The following KCND2 variants were observed in gnomAD, a reference collection of about 807,000 sequenced individuals.
KCND2 encodes the protein potassium voltage-gated channel subfamily D member 2, also known as A-type voltage-gated potassium channel KCND2.
Under a neutral mutation model 54.4 loss-of-function variants are expected in KCND2, and 16 were observed. The ratio of observed to expected loss-of-function variants is 0.29; its 90% confidence interval spans 0.20 to 0.45. The LOEUF (loss-of-function observed/expected upper bound fraction) is 0.45. Ranked by LOEUF, KCND2 falls within the 20% of genes least tolerant of loss-of-function variation. KCND2 has a pLI of 1.00. For missense variants in KCND2, 486 were observed against 824.2 expected (o/e 0.59, Z 5.02); for synonymous variants, 317 against 310.7 (o/e 1.02, Z -0.21).
chr7:120,705,522 C>T lies in KCND2; in HGVS notation c.1116-27381C>T, dbSNP rs149230129. Among the ~76,000 whole-genome samples the T allele has an allele frequency of 2.7e-4, 41 of 152,140 alleles. 1 individual carries two copies. Among genetic ancestry groups the T allele is most frequent in the African/African-American group, 9.6e-4 (40 of 41,512 alleles). On this transcript the variant is annotated intron_variant, in intron 1 of 5. Transcript: ENST00000331113. ...GGCTGTTTTCTCACTTGCAAAATGT[C>T]GATAATAATGGCTACCTGCTGAGAA...
At chr7:120,725,382 G>A (rs1038910019) in intron 1 of KCND2, among the ~76,000 whole-genome samples, 1 of 152,144 alleles carries the variant, frequency 6.6e-6, no homozygotes, top group Non-Finnish European at 1.5e-5. Context: ...ACAAAATGCT[G>A]TCGGAATTAT....
chr7:120,600,638 G>A (rs1792802557), intron 1 of KCND2, among the ~76,000 whole-genome samples: 1 of 151,996 alleles, frequency 6.6e-6, no homozygotes, highest in Non-Finnish European at 1.5e-5. Flanking sequence ...ACAATGATTT[G>A]TCTAATTACC....
chr7:120,398,566 A>G (rs1303661659), intron 1 of KCND2, among the ~76,000 whole-genome samples: 1 of 152,116 alleles, frequency 6.6e-6, no homozygotes, highest in African/African-American at 2.4e-5. Flanking sequence ...AAAAAATAGT[A>G]TTTGATCGAG....
At chr7:120,547,554 C>A (rs1792057172) in intron 1 of KCND2, among the ~76,000 whole-genome samples, 1 of 151,988 alleles carries the variant, frequency 6.6e-6, no homozygotes, top group African/African-American at 2.4e-5. Flanking sequence ...CCTCCAATTT[C>A]TCTCTGTTGT....
At chr7:120,643,110 A>G (rs1793398104) in intron 1 of KCND2, among the ~76,000 whole-genome samples, 1 of 152,240 alleles carries the variant, frequency 6.6e-6, no homozygotes, top group African/African-American at 2.4e-5. Context: ...AATTCAGATC[A>G]GTACATACTG....
chr7:120,639,676 A>G (rs1230267579), intron 1 of KCND2, among the ~76,000 whole-genome samples: 1 of 152,212 alleles, frequency 6.6e-6, no homozygotes, highest in African/African-American at 2.4e-5. Flanking sequence ...ATTGAGTAGC[A>G]TATGAGAGTA....
At chr7:120,299,099 G>T (rs891391716) in intron 1 of KCND2, among the ~76,000 whole-genome samples, 1 of 152,098 alleles carries the variant, frequency 6.6e-6, no homozygotes, top group East Asian at 1.9e-4. Context: ...GGCAGAGGTG[G>T]CAGTGAGCTG....
intron 1 of KCND2, among the ~76,000 whole-genome samples, chr7:120,563,860 A>G (rs1792265192): frequency 6.6e-6 from 1 of 152,160 alleles, no homozygotes; most frequent in Non-Finnish European, 1.5e-5. Flanking sequence ...CAAAGCCACC[A>G]GATTGAATTA....
At chr7:120,350,459 C>G (rs900027763) in intron 1 of KCND2, among the ~76,000 whole-genome samples, 1 of 152,064 alleles carries the variant, frequency 6.6e-6, no homozygotes. Flanking sequence ...CTAAGAGGAT[C>G]TTAACTTTCA....
chr7:120,385,241 C>T (rs917612319), intron 1 of KCND2, among the ~76,000 whole-genome samples: 2 of 151,752 alleles, frequency 1.3e-5, no homozygotes, highest in Non-Finnish European at 2.9e-5. Context: ...GATCTGCCTG[C>T]CTCAGCCTCT....
At chr7:120,456,827 G>C (rs2116229642) in intron 1 of KCND2, among the ~76,000 whole-genome samples, 1 of 152,302 alleles carries the variant, frequency 6.6e-6, no homozygotes, top group Non-Finnish European at 1.5e-5. Flanking sequence ...GACTCTGTGT[G>C]GGGGCTGCAA....
chr7:120,414,269 G>A (rs1801495073), intron 1 of KCND2, among the ~76,000 whole-genome samples: 1 of 152,104 alleles, frequency 6.6e-6, no homozygotes, highest in Non-Finnish European at 1.5e-5. Flanking sequence ...TATTTGAAAA[G>A]AGTTTAAGTG....
intron 1 of KCND2, among the ~76,000 whole-genome samples, chr7:120,430,951 C>T (rs1584775960): frequency 6.6e-6 from 1 of 152,070 alleles, no homozygotes; most frequent in South Asian, 2.1e-4. Flanking sequence ...AATTTCTGTA[C>T]AAATATCTAA....
At chr7:120,304,819 C>A (rs1471207185) in intron 1 of KCND2, among the ~76,000 whole-genome samples, 1 of 152,134 alleles carries the variant, frequency 6.6e-6, no homozygotes, top group Non-Finnish European at 1.5e-5. Context: ...CCTAATTTGA[C>A]CTAAGTATTC....
At chr7:120,710,161 C>T (rs1267274501) in intron 1 of KCND2, among the ~76,000 whole-genome samples, 2 of 152,094 alleles carry the variant, frequency 1.3e-5, no homozygotes, top group African/African-American at 2.4e-5. Flanking sequence ...GATAAAGATA[C>T]TTGATTTCAG....
At chr7:120,626,061 C>T (rs955525180) in intron 1 of KCND2, among the ~76,000 whole-genome samples, 1 of 152,128 alleles carries the variant, frequency 6.6e-6, no homozygotes, top group East Asian at 1.9e-4. Flanking sequence ...ATACTTATTA[C>T]AGTTTTTGTT....
intron 1 of KCND2, among the ~76,000 whole-genome samples, chr7:120,374,053 A>G (rs79377931): frequency 0.033 from 4,966 of 151,852 alleles, 115 homozygotes; most frequent in Middle Eastern, 0.051. Context: ...CATAATTACC[A>G]TATTTTTTGA....
intron 1 of KCND2, among the ~76,000 whole-genome samples, chr7:120,624,640 G>A (rs2116505869): frequency 6.6e-6 from 1 of 152,118 alleles, no homozygotes; most frequent in African/African-American, 2.4e-5. Context: ...AATTAGCCTA[G>A]CATGGTGGCC....
At chr7:120,417,443 T>TA (rs1285238558) in intron 1 of KCND2, among the ~76,000 whole-genome samples, 1 of 152,200 alleles carries the variant, frequency 6.6e-6, no homozygotes, top group Non-Finnish European at 1.5e-5. Context: ...ATTGAGACCT[T>TA]ACGGCTGCTC....
Sources: allele counts gnomAD v4.1 joint callset (sites outside exome capture counted in the v4.1 genomes callset), GRCh38; gene constraint gnomAD v4.1.1; transcripts MANE v1.5; gene names NCBI Gene and HGNC (gene_info 2026-07-23, HGNC 2026-07-21).